Variants in PCSK2 observed in about 807,000 individuals in gnomAD.
PCSK2 encodes neuroendocrine convertase 2.
A neutral mutation model predicts 69.7 loss-of-function variants in PCSK2; 14 were observed. That is an observed-to-expected ratio of 0.20 (90% confidence interval 0.13 to 0.31). The LOEUF (loss-of-function observed/expected upper bound fraction) is 0.31. Among genes scored for constraint, PCSK2 ranks in the 10% least tolerant of loss-of-function variants. PCSK2 has a pLI of 1.00. For synonymous variants in PCSK2, 307 were observed against 320.7 expected, an observed-to-expected ratio of 0.96 and a Z score of 0.46; for missense variants, 544 against 842.5, an observed-to-expected ratio of 0.65 and a Z score of 4.39.
intron 1 of PCSK2, among the ~76,000 whole-genome samples, chr20:17,250,621 CCAT>C (rs1202991750): frequency 6.6e-6 from 1 of 152,122 alleles, no homozygotes; most frequent in Non-Finnish European, 1.5e-5. Flanking sequence ...TATTCAATGT[CCAT>C]CATTTCTTCT....
At chr20:17,239,758 C>T (rs564700915) in intron 1 of PCSK2, among the ~76,000 whole-genome samples, 33 of 143,246 alleles carry the variant, frequency 2.3e-4, no homozygotes, top group African/African-American at 8.3e-4. Context: ...GATTTGGGAA[C>T]AAGTAAGCAA....
chr20:17,287,291 C>T (rs1026260338), intron 2 of PCSK2, among the ~76,000 whole-genome samples: 3 of 152,106 alleles, frequency 2.0e-5, no homozygotes, highest in Non-Finnish European at 4.4e-5. Flanking sequence ...CAATAGACAT[C>T]GAAGGCTACT....
At chr20:17,385,602 G>A (rs2031213763) in intron 5 of PCSK2, among the ~76,000 whole-genome samples, 1 of 152,192 alleles carries the variant, frequency 6.6e-6, no homozygotes, top group African/African-American at 2.4e-5. Context: ...AATCACTGGG[G>A]CTGAGTGATT....
At chr20:17,460,397 G>T (rs141781018) in intron 10 of PCSK2, among the ~76,000 whole-genome samples, 1 of 152,136 alleles carries the variant, frequency 6.6e-6, no homozygotes, top group Non-Finnish European at 1.5e-5. Flanking sequence ...CATGACCACC[G>T]CCACACTTCA....
Position 17,293,538 on chromosome 20 carries a change from A to G in PCSK2, c.282+33194A>G, listed in dbSNP as rs192539230. Among the ~76,000 whole-genome samples the G allele has an allele frequency of 3.0e-3, 464 of 152,334 alleles. 2 individuals carry two copies. The highest frequency in any genetic ancestry group is 0.01 in the African/African-American group (430 of 41,572). On this transcript the variant is annotated intron_variant, in intron 2 of 11. Transcript: ENST00000262545. ...ATTAATCAGACATGGAAATTTTATC[A>G]ACTATATCAAGTATACTTGAAACAT...
chr20:17,290,577 C>T lies in PCSK2; in HGVS notation c.282+30233C>T, dbSNP rs563625999. On this transcript the variant is annotated intron_variant, in intron 2 of 11. Transcript: ENST00000262545. Reference sequence around the variant, plus strand: ...CTACTCCTAGACGTTAAATAACTGGCCCTGGTCATACTCTCAAGAGACAGT... The same window carrying T: ...CTACTCCTAGACGTTAAATAACTGGTCCTGGTCATACTCTCAAGAGACAGT... 2.0e-5 allele frequency among the ~76,000 whole-genome samples: 3 copies of T among 152,232 alleles called. No homozygotes were observed. In the East Asian group the frequency reaches 5.8e-4, roughly 29 times the overall value.
chr20:17,368,659 A>T, intron 4 of PCSK2, among the ~76,000 whole-genome samples: 1 of 152,188 alleles, frequency 6.6e-6, no homozygotes, highest in Admixed American at 6.5e-5. Context: ...GCAACAAGAC[A>T]GGCCACCATT....
At chr20:17,240,544 G>C (rs1986527928) in intron 1 of PCSK2, among the ~76,000 whole-genome samples, 1 of 152,180 alleles carries the variant, frequency 6.6e-6, no homozygotes, top group South Asian at 2.1e-4. Context: ...CTCTGTACAG[G>C]TGACCTCCAG....
chr20:17,360,760 G>C (rs1011634085), intron 4 of PCSK2, 120 bp downstream of exon 4: 18 of 662,430 alleles, frequency 2.7e-5, no homozygotes, highest in East Asian at 1.4e-4. Flanking sequence ...TACTGGGCAT[G>C]ATGGCCACAC....
At chr20:17,447,289 A>T (rs1424816155) in intron 8 of PCSK2, among the ~76,000 whole-genome samples, 2 of 146,190 alleles carry the variant, frequency 1.4e-5, no homozygotes, top group African/African-American at 5.1e-5. Context: ...AAAAAAATCT[A>T]TGAAAGAAAA....
chr20:17,410,176 T>A (rs1175957143), intron 6 of PCSK2, among the ~76,000 whole-genome samples: 4 of 152,160 alleles, frequency 2.6e-5, no homozygotes, highest in African/African-American at 9.7e-5. Context: ...AAAACAAATG[T>A]TGTCATTTTT....
chr20:17,261,700 G>A (rs1443912529), intron 2 of PCSK2, among the ~76,000 whole-genome samples: 3 of 152,126 alleles, frequency 2.0e-5, no homozygotes, highest in African/African-American at 7.2e-5. Flanking sequence ...ATACCCTTGG[G>A]CAGTCATATG....
intron 11 of PCSK2, among the ~76,000 whole-genome samples, chr20:17,474,086 G>A (rs2033249692): frequency 6.6e-6 from 1 of 152,134 alleles, no homozygotes; most frequent in Admixed American, 6.5e-5. Flanking sequence ...GGCACACCAT[G>A]GCTAAGGGGG....
intron 5 of PCSK2, among the ~76,000 whole-genome samples, chr20:17,377,139 C>A (rs1265655275): frequency 3.3e-5 from 5 of 152,218 alleles, no homozygotes; most frequent in Non-Finnish European, 2.9e-5. Flanking sequence ...CAAGCTATTT[C>A]TTTTCTTTAA....
In PCSK2 at chr20:17,348,027, GAAAGAAGAAAGAAAGAAAGAAAGGAAAGA is replaced by G. The variant is rs1990731919; in HGVS notation, c.283-10297_283-10269del. On this transcript the variant is annotated intron_variant, in intron 2 of 11. Coordinates refer to ENST00000262545, the MANE Select transcript of PCSK2 (RefSeq NM_002594.5). ...AAGAAAGAAAGAGAGAAAAGAGAAA[GAAAGAAGAAAGAAAGAAAGAAAGGAAAGA>G]AAGAAAGAAAGAAAGAAAGAAAGAA... is the stretch of plus-strand genomic sequence containing the variant. 8.3e-5 allele frequency among the ~76,000 whole-genome samples: 7 copies of G among 83,882 alleles called. No individual in the cohort carries two copies. In the South Asian group the frequency reaches 3.3e-3, roughly 40 times the overall value. The allele number at this position is 83,882 out of a possible 152,430, so 55.0% of individuals were successfully genotyped here.
Position 17,331,765 on chromosome 20 carries a change from AT to A in PCSK2, c.283-26560del, listed in dbSNP as rs1356177238. ...ATTTTTATGCCCATCATCTCGTGTG[AT>A]TAAAAAAAAAAAAACCTCTGAGGTT... On this transcript the variant is annotated intron_variant, in intron 2 of 11. Transcript: ENST00000262545. 1.0e-3 allele frequency among the ~76,000 whole-genome samples: 143 copies of A among 141,942 alleles called. 1 individual carries two copies. The highest frequency in any genetic ancestry group is 3.6e-3 in the Middle Eastern group (1 of 276). The allele number at this position is 141,942 out of a possible 152,430, so 93.1% of individuals were successfully genotyped here. A position where few individuals can be genotyped will look rare whatever the true frequency, so the allele number is the denominator to read the frequency against.
At chr20:17,244,292 A>G (rs1183035894) in intron 1 of PCSK2, among the ~76,000 whole-genome samples, 1 of 152,220 alleles carries the variant, frequency 6.6e-6, no homozygotes, top group Non-Finnish European at 1.5e-5. Flanking sequence ...TGCTAAAAGA[A>G]AAAATGTGTA....
intron 2 of PCSK2, among the ~76,000 whole-genome samples, chr20:17,347,645 G>A (rs910424228): frequency 1.4e-4 from 22 of 152,140 alleles, no homozygotes; most frequent in African/African-American, 4.3e-4. Flanking sequence ...TTCAGCACGC[G>A]TAACAAATGC....
At chr20:17,347,473 G>A (rs547439528) in intron 2 of PCSK2, among the ~76,000 whole-genome samples, 9 of 152,096 alleles carry the variant, frequency 5.9e-5, no homozygotes, top group African/African-American at 9.6e-5. Context: ...TCCATCAATC[G>A]CTTTTGGGGG....
Sources: gnomAD v4.1 joint callset for allele counts (sites outside exome capture counted in the v4.1 genomes callset) on GRCh38, gnomAD v4.1.1 for gene constraint, MANE v1.5 for transcripts, NCBI Gene and HGNC (gene_info 2026-07-23, HGNC 2026-07-21) for gene names.